ANKRD6: variants seen among roughly 807,000 people sequenced by gnomAD.
The protein encoded by ANKRD6 is ankyrin repeat domain-containing protein 6.
ANKRD6 carries 56 observed loss-of-function variants against 82.3 expected under a neutral mutation model. The ratio of observed to expected loss-of-function variants is 0.68; its 90% CI spans 0.55 to 0.85. ANKRD6 has a LOEUF of 0.85. Ranked by LOEUF, ANKRD6 falls within the 40% of genes least tolerant of loss-of-function variation. The pLI, the probability that ANKRD6 is intolerant of heterozygous loss-of-function variation, is 0.00. For missense variants in ANKRD6, 852 were observed against 907.6 expected (o/e 0.94, Z 0.79); for synonymous variants, 347 against 352.1 (o/e 0.99, Z 0.16).
chr6:89,486,077 TC>T (rs1215880335), intron 1 of ANKRD6, among the ~76,000 whole-genome samples: 1 of 152,160 alleles, frequency 6.6e-6, no homozygotes, highest in Non-Finnish European at 1.5e-5. Context: ...AAAAATGGGG[TC>T]ATAATGTATG....
chr6:89,434,545 A>T (rs1380632817), intron 1 of ANKRD6, among the ~76,000 whole-genome samples: 1 of 151,814 alleles, frequency 6.6e-6, no homozygotes, highest in Non-Finnish European at 1.5e-5. Context: ...GTAAGCTTTG[A>T]CCTCCTTAGC....
chr6:89,623,642 C>T, intron 11 of ANKRD6, 98 bp downstream of exon 11: 1 of 1,478,972 alleles, frequency 6.8e-7, no homozygotes, highest in Non-Finnish European at 9.0e-7. Context: ...AAGCCACTCA[C>T]TTGGCTGGCT....
At chr6:89,532,702 T>A (rs1350383672) in intron 1 of ANKRD6, among the ~76,000 whole-genome samples, 7 of 152,100 alleles carry the variant, frequency 4.6e-5, no homozygotes, top group Non-Finnish European at 8.8e-5. Flanking sequence ...TAAATTGATT[T>A]TTTTTTCTTT....
At chr6:89,453,271 A>C (rs557691493) in intron 1 of ANKRD6, among the ~76,000 whole-genome samples, 1 of 152,348 alleles carries the variant, frequency 6.6e-6, no homozygotes, top group East Asian at 1.9e-4. Flanking sequence ...GAACCTTTTA[A>C]AATTTTTGTC....
chr6:89,539,468 T>G (rs1262721269), intron 1 of ANKRD6, among the ~76,000 whole-genome samples: 1 of 152,166 alleles, frequency 6.6e-6, no homozygotes, highest in Non-Finnish European at 1.5e-5. Context: ...ATGGTGTTTA[T>G]GCAGTATGTA....
At chr6:89,468,366 G>A (rs1176999069) in intron 1 of ANKRD6, among the ~76,000 whole-genome samples, 9 of 152,164 alleles carry the variant, frequency 5.9e-5, no homozygotes, top group African/African-American at 2.2e-4. Flanking sequence ...CACAAATCAA[G>A]TTTCTACCAG....
chr6:89,509,543 T>TA (rs1376758610), intron 1 of ANKRD6, among the ~76,000 whole-genome samples: 2 of 152,240 alleles, frequency 1.3e-5, no homozygotes, highest in African/African-American at 4.8e-5. Context: ...ATTTTATGCC[T>TA]ACTTTGTATG....
chr6:89,450,660 A>G (rs939240481), intron 1 of ANKRD6, among the ~76,000 whole-genome samples: 1 of 151,678 alleles, frequency 6.6e-6, no homozygotes, highest in Admixed American at 6.6e-5. Flanking sequence ...TAGGACTACA[A>G]GTCTGCACCA....
At chr6:89,603,229 T>G in intron 4 of ANKRD6, 102 bp downstream of exon 4, 1 of 904,610 alleles carries the variant, frequency 1.1e-6, no homozygotes, top group African/African-American at 1.7e-5. Flanking sequence ...CCTCGAGGTA[T>G]TATAATTCCT....
At chr6:89,573,948 A>G (rs1790517796) in intron 2 of ANKRD6, among the ~76,000 whole-genome samples, 1 of 152,144 alleles carries the variant, frequency 6.6e-6, no homozygotes, top group African/African-American at 2.4e-5. Flanking sequence ...CTCTCCTCCC[A>G]ATTGATGTAA....
rs747640200 is a variant in ANKRD6 at position 89,618,016 on chromosome 6, T to G, written c.777T>G (p.Leu259=). ...YHNNPEVALL[L]TKAPQVLRFS... ...ATAACCCGGAAGTTGCTCTTCTCCT[T>G]ACTAAAGCTCCCCAGGTAGGATTTA... The change falls in exon 9 of 16, where the codon CTT becomes CTG. Residue 259 remains leucine, a synonymous_variant. Transcript: ENST00000339746. 1.2e-6 allele frequency: 2 copies of G among 1,614,056 alleles called. No individual in the cohort carries two copies. Among genetic ancestry groups the G allele is most frequent in the Non-Finnish European group, 1.7e-6 (2 of 1,179,900 alleles).
chr6:89,481,801 T>G (rs1776846442), intron 1 of ANKRD6, among the ~76,000 whole-genome samples: 2 of 152,274 alleles, frequency 1.3e-5, no homozygotes, highest in South Asian at 4.1e-4. Context: ...GCTGATACTG[T>G]ACCACTGATA....
intron 1 of ANKRD6, among the ~76,000 whole-genome samples, chr6:89,540,285 G>A (rs148504858): frequency 1.2e-4 from 18 of 152,052 alleles, no homozygotes; most frequent in African/African-American, 4.3e-4. Flanking sequence ...CCACATCCTC[G>A]CCAACATTTG....
intron 1 of ANKRD6, among the ~76,000 whole-genome samples, chr6:89,440,341 G>A (rs887370466): frequency 6.6e-6 from 1 of 152,162 alleles, no homozygotes; most frequent in African/African-American, 2.4e-5. Flanking sequence ...AAATACATGG[G>A]GAACTAATGG....
chr6:89,590,034 G>A (rs988591914), intron 2 of ANKRD6, among the ~76,000 whole-genome samples: 1 of 152,216 alleles, frequency 6.6e-6, no homozygotes, highest in African/African-American at 2.4e-5. Context: ...CCAGCCACAC[G>A]TGGAGATGCA....
Position 89,487,702 on chromosome 6 carries a change from G to A in ANKRD6, c.-144+54327G>A, listed in dbSNP as rs141780568. Among the ~76,000 whole-genome samples, 5 of 152,262 alleles carry A rather than the reference G, an allele frequency of 3.3e-5. No homozygotes were observed. The East Asian group carries it at 5.8e-4, about 18-fold the overall frequency. ...GAAAAGAATAAGGTGGCTCACCTAC[G>A]CTTGGTTTTTCACCTGTGCTTCACC... On this transcript the variant is annotated intron_variant, in intron 1 of 15. Coordinates refer to ENST00000339746, the MANE Select transcript of ANKRD6 (RefSeq NM_001242809.2).
intron 1 of ANKRD6, among the ~76,000 whole-genome samples, chr6:89,563,912 G>A (rs148364664): frequency 1.3e-5 from 2 of 152,152 alleles, no homozygotes; most frequent in Admixed American, 6.5e-5. Context: ...CCTGCACCTG[G>A]TATCTCTGCT....
intron 1 of ANKRD6, among the ~76,000 whole-genome samples, chr6:89,511,820 G>A (rs1252565121): frequency 1.3e-5 from 2 of 152,034 alleles, no homozygotes; most frequent in Non-Finnish European, 2.9e-5. Flanking sequence ...TGATTTTGTG[G>A]CAAATAACTG....
intron 1 of ANKRD6, among the ~76,000 whole-genome samples, chr6:89,450,875 C>T (rs766676903): frequency 3.0e-4 from 46 of 152,056 alleles, no homozygotes; most frequent in Non-Finnish European, 5.0e-4. Context: ...AAATAGACTA[C>T]GATATAGTGT....
Sources: gnomAD v4.1 joint callset for allele counts (sites outside exome capture counted in the v4.1 genomes callset) on GRCh38, gnomAD v4.1.1 for gene constraint, MANE v1.5 for transcripts, NCBI Gene and HGNC (gene_info 2026-07-23, HGNC 2026-07-21) for gene names.